TAFA2: variants seen among roughly 807,000 people sequenced by gnomAD.
TAFA2 encodes the protein chemokine-like protein TAFA-2.
TAFA2 carries 7 observed loss-of-function variants against 18.8 expected under a neutral mutation model. The observed-to-expected ratio is 0.37, with a 90% CI of 0.21 to 0.70. The LOEUF (loss-of-function observed/expected upper bound fraction) is 0.70, where lower values mean the gene tolerates loss of function less well. Among genes scored for constraint, TAFA2 ranks in the 30% least tolerant of loss-of-function variants. The pLI is 0.53. For missense variants in TAFA2, 122 were observed against 158.1 expected (o/e 0.77, Z 1.23); for synonymous variants, 60 against 54.2 (o/e 1.11, Z -0.47).
intron 2 of TAFA2, among the ~76,000 whole-genome samples, chr12:61,784,057 C>T (rs924971005): frequency 4.6e-5 from 7 of 151,610 alleles, no homozygotes; most frequent in Admixed American, 4.6e-4. Context: ...TATATTTTGT[C>T]CCCAAGGTTT....
intron 1 of TAFA2, chr12:61,879,278 G>A (rs1010214958): frequency 2.6e-5 from 11 of 420,276 alleles, no homozygotes; most frequent in South Asian, 8.3e-5. Context: ...TCGAATCTCC[G>A]CCTGGTTGGG....
intron 2 of TAFA2, among the ~76,000 whole-genome samples, chr12:61,799,410 C>T (rs190411587): frequency 1.3e-5 from 2 of 152,186 alleles, no homozygotes; most frequent in South Asian, 2.1e-4. Context: ...AGTGCTAAGA[C>T]GAAAGTTAGA....
intron 1 of TAFA2, among the ~76,000 whole-genome samples, chr12:62,153,463 G>C (rs1409329564): frequency 6.6e-6 from 1 of 152,012 alleles, no homozygotes; most frequent in Non-Finnish European, 1.5e-5. Flanking sequence ...AGGAGTTTGA[G>C]ACCAGTCTGG....
chr12:61,888,057 A>G (rs1875466660), intron 1 of TAFA2, among the ~76,000 whole-genome samples: 1 of 152,016 alleles, frequency 6.6e-6, no homozygotes, highest in Non-Finnish European at 1.5e-5. Flanking sequence ...TTAGAATGGC[A>G]ATCATTAAAA....
intron 1 of TAFA2, among the ~76,000 whole-genome samples, chr12:62,178,075 G>T (rs1331073458): frequency 6.6e-6 from 1 of 152,110 alleles, no homozygotes; most frequent in Non-Finnish European, 1.5e-5. Flanking sequence ...TGAGACAAGA[G>T]GATCACTTGA....
intron 1 of TAFA2, among the ~76,000 whole-genome samples, chr12:62,208,643 T>C (rs533775656): frequency 6.6e-6 from 1 of 152,218 alleles, no homozygotes; most frequent in African/African-American, 2.4e-5. Context: ...TAATGGCCCA[T>C]ATAATGAATA....
At chr12:61,880,804 C>T in intron 1 of TAFA2, 1 of 328,994 alleles carries the variant, frequency 3.0e-6, no homozygotes, top group Admixed American at 3.6e-5. Context: ...ACCCTACTCC[C>T]CCCTGCAGCT....
intron 1 of TAFA2, among the ~76,000 whole-genome samples, chr12:62,009,090 C>T (rs1565714116): frequency 6.6e-6 from 1 of 152,126 alleles, no homozygotes; most frequent in East Asian, 1.9e-4. Context: ...AGAACAAAAG[C>T]AGAGCAATGA....
At chr12:61,803,622 ACAT>A (rs1199092844) in intron 2 of TAFA2, among the ~76,000 whole-genome samples, 1 of 151,958 alleles carries the variant, frequency 6.6e-6, no homozygotes, top group Non-Finnish European at 1.5e-5. Context: ...TTGAACATAA[ACAT>A]CATTTTCTCT....
chr12:62,011,267 G>C (rs916361815), intron 1 of TAFA2, among the ~76,000 whole-genome samples: 2 of 152,188 alleles, frequency 1.3e-5, no homozygotes, highest in East Asian at 3.9e-4. Context: ...TGACCATCGA[G>C]AGCGGGCCAT....
At chr12:62,107,296 T>C (rs1375753475) in intron 1 of TAFA2, among the ~76,000 whole-genome samples, 1 of 150,066 alleles carries the variant, frequency 6.7e-6, no homozygotes, top group African/African-American at 2.5e-5. Flanking sequence ...AAGAACTATA[T>C]ACATCATTTC....
At position 61,764,225 on chromosome 12, in the gene TAFA2, T is replaced by TAGA. The variant is rs1176973101; in HGVS notation, c.107-9202_107-9201insTCT. Among the ~76,000 whole-genome samples the TAGA allele has an allele frequency of 8.0e-5, 8 of 100,486 alleles. No individual in the cohort carries two copies. The East Asian group carries it at 1.3e-3, about 17-fold the overall frequency. 65.9% of individuals were successfully genotyped at this position (100,486 alleles called of 152,430 possible). On this transcript the variant is annotated intron_variant, in intron 2 of 4. Transcript: ENST00000416284. ...AAATGGTCCATTTTAGATTAGATGA[T>TAGA]TGATTGATAGATAGATAGATAGATA...
intron 2 of TAFA2, among the ~76,000 whole-genome samples, chr12:61,827,561 T>C (rs1241513566): frequency 6.6e-6 from 1 of 152,022 alleles, no homozygotes; most frequent in Admixed American, 6.6e-5. Flanking sequence ...CCCTGATGTG[T>C]ATTTAACTGA....
intron 1 of TAFA2, among the ~76,000 whole-genome samples, chr12:62,042,370 C>T (rs1472507990): frequency 1.3e-5 from 2 of 151,620 alleles, no homozygotes; most frequent in Non-Finnish European, 1.5e-5. Flanking sequence ...ATTCTGACCA[C>T]CAGATTTAGT....
chr12:62,137,300 A>G (rs1870936504), intron 1 of TAFA2, among the ~76,000 whole-genome samples: 1 of 152,198 alleles, frequency 6.6e-6, no homozygotes, highest in Non-Finnish European at 1.5e-5. Flanking sequence ...TTTATGAAGT[A>G]TTTAGGTATG....
chr12:61,863,011 T>C (rs1706897672), intron 2 of TAFA2, among the ~76,000 whole-genome samples: 1 of 152,220 alleles, frequency 6.6e-6, no homozygotes, highest in Non-Finnish European at 1.5e-5. Flanking sequence ...GGCCTTAATG[T>C]AGCTACTCAA....
intron 1 of TAFA2, among the ~76,000 whole-genome samples, chr12:62,185,052 C>A (rs2062576852): frequency 6.6e-6 from 1 of 152,098 alleles, no homozygotes; most frequent in Admixed American, 6.5e-5. Flanking sequence ...AAGGAGCAAA[C>A]ATACCTTCAA....
intron 1 of TAFA2, among the ~76,000 whole-genome samples, chr12:62,221,215 G>GGGGAAGGAGGGAAGGAAGGAAGGT: frequency 1.5e-5 from 1 of 65,962 alleles, no homozygotes; most frequent in Non-Finnish European, 2.7e-5. Context: ...GGAAGGAAGG[G>GGGGAAGGAGGGAAGGAAGGAAGGT]GGGAAGGAAG....
intron 3 of TAFA2, among the ~76,000 whole-genome samples, chr12:61,754,382 C>T (rs1468089042): frequency 6.6e-6 from 1 of 151,554 alleles, no homozygotes; most frequent in African/African-American, 2.4e-5. Flanking sequence ...GGTGAACCCT[C>T]AAGGAAAAAA....
Sources: gnomAD v4.1 joint callset for allele counts (sites outside exome capture counted in the v4.1 genomes callset) on GRCh38, gnomAD v4.1.1 for gene constraint, MANE v1.5 for transcripts, NCBI Gene and HGNC (gene_info 2026-07-23, HGNC 2026-07-21) for gene names.